The following ZNF362 variants were observed in gnomAD, a reference collection of about 807,000 sequenced individuals.
The protein encoded by ZNF362 is zinc finger protein 362.
ZNF362 carries 11 observed loss-of-function variants against 42.9 expected under a neutral mutation model. The ratio of observed to expected loss-of-function variants is 0.26; its 90% CI spans 0.16 to 0.42. The LOEUF is 0.42. ZNF362 is among the 20% of genes least tolerant of loss of function. ZNF362 has a pLI of 1.00. For synonymous variants in ZNF362, 255 were observed against 257.3 expected (o/e 0.99, Z 0.09); for missense variants, 362 against 576.2 (o/e 0.63, Z 3.81).
chr1:33,129,761 T>A, the ZNF362 span, among the ~76,000 whole-genome samples: 1 of 152,242 alleles, frequency 6.6e-6, no homozygotes. The surrounding 1 kb of genome is among the most constrained non-coding windows in gnomAD (Gnocchi z 4.1). Context: ...TATTTACCCA[T>A]TCTGGTGATC....
At position 33,281,740 on chromosome 1, in the gene ZNF362, C is replaced by T. The variant is rs576027579; in HGVS notation, c.837C>T (p.Gly279=). ...CCCAGCACCTGCGCATCCACCTGGG[C>T]GTCAAGCCCTACCACTGCTCCTACT... ...YLAQHLRIHL[G]VKPYHCSYCD... Residue 279 remains glycine (G), a synonymous_variant, in exon 6 of 9, where the codon GGC becomes GGT. Coordinates refer to ENST00000539719, the MANE Select transcript of ZNF362 (RefSeq NM_152493.3). The surrounding 1 kb of genome is among the most constrained non-coding windows in gnomAD (Gnocchi z 4.8). 15 of 1,614,252 alleles carry T rather than the reference C, an allele frequency of 9.3e-6. No individual in the cohort carries two copies. Among genetic ancestry groups the T allele is most frequent in the South Asian group, 8.8e-5 (8 of 91,088 alleles).
At chr1:33,157,049 C>T in the ZNF362 span, among the ~76,000 whole-genome samples, 1 of 151,122 alleles carries the variant, frequency 6.6e-6, no homozygotes, top group Non-Finnish European at 1.5e-5. Context: ...GGTCTATTCT[C>T]AACCCACTAG....
the ZNF362 span, among the ~76,000 whole-genome samples, chr1:33,133,229 G>C: frequency 4.3e-3 from 661 of 152,380 alleles, 7 homozygotes; most frequent in African/African-American, 0.015. Flanking sequence ...CGGAGGCTGT[G>C]AGGCCAAAGA....
the ZNF362 span, among the ~76,000 whole-genome samples, chr1:33,188,343 G>A: frequency 6.6e-6 from 1 of 152,332 alleles, no homozygotes; most frequent in East Asian, 1.9e-4. Flanking sequence ...TCAGGATGCA[G>A]CCCTGGTTGG....
intron 6 of ZNF362, among the ~76,000 whole-genome samples, chr1:33,290,333 G>A (rs574940340): frequency 2.6e-5 from 4 of 151,726 alleles, no homozygotes; most frequent in South Asian, 2.1e-4. Context: ...TTGTCCTTGC[G>A]ATAGTTTGCT....
At chr1:33,250,470 G>A in the ZNF362 span, among the ~76,000 whole-genome samples, 1 of 152,212 alleles carries the variant, frequency 6.6e-6, no homozygotes, top group Non-Finnish European at 1.5e-5. Context: ...GTTATCCTCA[G>A]CAAACTAATG....
In ZNF362 at chr1:33,281,861, C is replaced by T. The variant is rs200169222; in HGVS notation, c.908+50C>T. Reference sequence around the variant, plus strand: ...CTGCAGCCCGACTCAGCTCAGCACCCGTGGCCTGGCACATGGAGCCAGTGC... The same window carrying T: ...CTGCAGCCCGACTCAGCTCAGCACCTGTGGCCTGGCACATGGAGCCAGTGC... On this transcript the variant is annotated intron_variant, in intron 6 of 8. Transcript: ENST00000539719. This position sits in a 1 kb window ranked among gnomAD's most constrained non-coding sequence, Gnocchi z 4.8. 11 of 1,591,370 alleles carry T rather than the reference C, an allele frequency of 6.9e-6. No homozygotes were observed. Among genetic ancestry groups the T allele is most frequent in the East Asian group, 2.2e-5 (1 of 44,650 alleles).
chr1:33,243,559 G>A, the ZNF362 span, among the ~76,000 whole-genome samples: 1 of 151,788 alleles, frequency 6.6e-6, no homozygotes, highest in East Asian at 1.9e-4. Context: ...TGGACCTGAA[G>A]GAGATTCTTC....
At chr1:33,158,347 C>T in the ZNF362 span, 161 of 1,613,682 alleles carry the variant, frequency 1.0e-4, 1 homozygote, top group Non-Finnish European at 1.3e-4. Context: ...TGAGGTTGGT[C>T]TCATGGATTT....
chr1:33,193,016 T>C, the ZNF362 span, among the ~76,000 whole-genome samples: 1 of 146,768 alleles, frequency 6.8e-6, no homozygotes, highest in African/African-American at 2.4e-5. Context: ...TATATATATA[T>C]ATATATACGC....
chr1:33,204,156 A>AT, the ZNF362 span, among the ~76,000 whole-genome samples: 1 of 152,046 alleles, frequency 6.6e-6, no homozygotes, highest in African/African-American at 2.4e-5. Context: ...TTTCTGTATA[A>AT]TATAAGAGTC....
chr1:33,281,843 C>CCGACT lies in ZNF362; in HGVS notation c.908+34_908+38dup. 1.2e-6 allele frequency: 2 copies of CCGACT among 1,607,402 alleles called. No individual in the cohort carries two copies. Among genetic ancestry groups the CCGACT allele is most frequent in the Non-Finnish European group, 1.7e-6 (2 of 1,174,740 alleles). On this transcript the variant is annotated intron_variant, in intron 6 of 8. Coordinates refer to ENST00000539719, the MANE Select transcript of ZNF362 (RefSeq NM_152493.3). This position sits in a 1 kb window ranked among gnomAD's most constrained non-coding sequence, Gnocchi z 4.8. Reference sequence around the variant, plus strand: ...GGCCTGCCTGCTGCCCTGCTGCAGCCCGACTCAGCTCAGCACCCGTGGCCT... The same window carrying CCGACT: ...GGCCTGCCTGCTGCCCTGCTGCAGCCCGACTCGACTCAGCTCAGCACCCGTGGCCT...
chr1:33,297,200 T>C (rs1646130990), intron 8 of ZNF362, among the ~76,000 whole-genome samples: 1 of 152,202 alleles, frequency 6.6e-6, no homozygotes, highest in Non-Finnish European at 1.5e-5. Flanking sequence ...CTCGCTTGGC[T>C]AGCTGATCTC....
chr1:33,139,969 G>A, the ZNF362 span, among the ~76,000 whole-genome samples: 1 of 152,172 alleles, frequency 6.6e-6, no homozygotes, highest in African/African-American at 2.4e-5. Flanking sequence ...TTATAAATGT[G>A]CATAGGTTGT....
the ZNF362 span, chr1:33,164,068 C>A: frequency 0.19 from 28,293 of 152,152 alleles, 3,088 homozygotes; most frequent in South Asian, 0.3. Flanking sequence ...TGCTTCTCAT[C>A]ATCCAAGAGG....
the ZNF362 span, among the ~76,000 whole-genome samples, chr1:33,250,852 G>GGAAGGAA: frequency 7.3e-6 from 1 of 137,484 alleles, no homozygotes; most frequent in African/African-American, 2.8e-5. Flanking sequence ...GAAGAAAGAA[G>GGAAGGAA]GAAGAAGAAG....
chr1:33,232,699 G>A, the ZNF362 span, among the ~76,000 whole-genome samples: 32 of 152,148 alleles, frequency 2.1e-4, no homozygotes, highest in African/African-American at 7.7e-4. Flanking sequence ...TTAAGCCACC[G>A]AATTTCCAAA....
chr1:33,285,307 G>A (rs1430795473), intron 6 of ZNF362, among the ~76,000 whole-genome samples: 4 of 152,036 alleles, frequency 2.6e-5, no homozygotes, highest in South Asian at 4.2e-4. Context: ...CCATCTACTC[G>A]GGAGGCTGAG....
the ZNF362 span, among the ~76,000 whole-genome samples, chr1:33,246,577 A>G: frequency 2.0e-4 from 31 of 152,320 alleles, no homozygotes; most frequent in African/African-American, 5.8e-4. Context: ...TCTGAAGTCA[A>G]GCCCACCTGA....
Sources: gnomAD v4.1 joint callset for allele counts (sites outside exome capture counted in the v4.1 genomes callset) on GRCh38, gnomAD v4.1.1 for gene constraint, Gnocchi (gnomAD v3.1) non-coding constraint, MANE v1.5 for transcripts, NCBI Gene and HGNC (gene_info 2026-07-23, HGNC 2026-07-21) for gene names.